BLK: variants seen among roughly 807,000 people sequenced by gnomAD.
The protein encoded by BLK is BLK proto-oncogene, Src family tyrosine kinase.
In BLK, 64 loss-of-function variants were observed where a neutral mutation model predicts 61.8. The observed-to-expected ratio is 1.03, with a 90% CI of 0.85 to 1.27. BLK has a LOEUF of 1.27. Ranked by LOEUF, BLK falls within the 50% of genes most tolerant of loss-of-function variation. BLK has a pLI of 0.00. For synonymous variants in BLK, 351 were observed against 272.0 expected, an observed-to-expected ratio of 1.29 and a Z score of -2.86; for missense variants, 853 against 660.5, an observed-to-expected ratio of 1.29 and a Z score of -3.19.
intron 9 of BLK, 73 bp downstream of exon 9, chr8:11,556,910 G>T (rs1352380947): frequency 1.9e-6 from 3 of 1,543,832 alleles, no homozygotes; most frequent in Admixed American, 3.7e-5. Flanking sequence ...AGGAGGGTCC[G>T]CTGCGGTGGG....
chr8:11,563,214 T>A, intron 12 of BLK, 104 bp downstream of exon 12: 1 of 1,539,382 alleles, frequency 6.5e-7, no homozygotes, highest in Non-Finnish European at 8.8e-7. Context: ...CTTTTCAGAG[T>A]GAGTCCCAGA....
At chr8:11,523,776 C>T (rs1799544690) in intron 1 of BLK, among the ~76,000 whole-genome samples, 1 of 150,372 alleles carries the variant, frequency 6.7e-6, no homozygotes, top group East Asian at 1.9e-4. Flanking sequence ...ATGATAAAAT[C>T]AATAGAAAAG....
At chr8:11,557,563 T>C (rs1057110594) in intron 9 of BLK, among the ~76,000 whole-genome samples, 2 of 152,158 alleles carry the variant, frequency 1.3e-5, no homozygotes, top group Non-Finnish European at 2.9e-5. Context: ...TGCTGATGCC[T>C]GGTCCTCAGA....
chr8:11,495,156 A>G (rs2117218953), intron 1 of BLK, among the ~76,000 whole-genome samples: 1 of 152,376 alleles, frequency 6.6e-6, no homozygotes, highest in East Asian at 1.9e-4. Flanking sequence ...AGGAAACACC[A>G]ACTGTGAAAA....
chr8:11,537,344 C>T (rs1006083454), intron 1 of BLK, among the ~76,000 whole-genome samples: 5 of 152,228 alleles, frequency 3.3e-5, no homozygotes, highest in South Asian at 4.2e-4. Flanking sequence ...GCATTGTGAT[C>T]GCGACACCCA....
intron 2 of BLK, 113 bp from the exon 3 acceptor site, chr8:11,545,939 C>A: frequency 2.7e-6 from 3 of 1,129,084 alleles, no homozygotes; most frequent in East Asian, 2.3e-5. Flanking sequence ...TGCCTCTCCT[C>A]CTTCAGTAGG....
chr8:11,543,454 G>C lies in BLK; in HGVS notation c.123+107G>C. 4 of 1,452,230 alleles carry C rather than the reference G, an allele frequency of 2.8e-6. No homozygotes were observed. The South Asian group carries it at 4.9e-5, about 18-fold the overall frequency. 90.0% of individuals were successfully genotyped at this position (1,452,230 alleles called of 1,614,324 possible). ...GCAAAAGTGCCTTCCTGATAGGGAT[G>C]TAACGATCTGCAATGTATAAGCAGG... is the stretch of plus-strand genomic sequence containing the variant. On this transcript the variant is annotated intron_variant, in intron 2 of 12. Coordinates refer to ENST00000259089, the MANE Select transcript of BLK (RefSeq NM_001715.3).
In BLK at chr8:11,511,441, TA is replaced by T. The variant is rs554410944; in HGVS notation, c.-2+16860del. On this transcript the variant is annotated intron_variant, in intron 1 of 12. Transcript: ENST00000259089. The stretch of plus-strand genomic sequence containing the variant: ...ACATGTACCCTAAAACTTAAAGTAT[TA>T]AAAAAAAAATCAGTTTCTGTTAACA... Among the ~76,000 whole-genome samples, 467 of 151,020 alleles carry T rather than the reference TA, an allele frequency of 3.1e-3. 3 individuals carry two copies. Among genetic ancestry groups the T allele is most frequent in the African/African-American group, 0.01 (431 of 41,164 alleles).
At chr8:11,497,605 G>A (rs1798406426) in intron 1 of BLK, among the ~76,000 whole-genome samples, 2 of 152,148 alleles carry the variant, frequency 1.3e-5, no homozygotes, top group African/African-American at 2.4e-5. Context: ...GCCCACCAGG[G>A]GTATCTGGTA....
At chr8:11,529,101 A>G (rs1799788195) in intron 1 of BLK, among the ~76,000 whole-genome samples, 1 of 152,154 alleles carries the variant, frequency 6.6e-6, no homozygotes, top group Admixed American at 6.5e-5. Context: ...ATAACTTAAA[A>G]TTTAAAATAA....
At chr8:11,518,690 G>C (rs1391837541) in intron 1 of BLK, among the ~76,000 whole-genome samples, 1 of 152,076 alleles carries the variant, frequency 6.6e-6, no homozygotes, top group East Asian at 1.9e-4. Flanking sequence ...AGGTAAGTCA[G>C]CTCCTCCTTA....
chr8:11,525,814 G>A (rs889411260), intron 1 of BLK, among the ~76,000 whole-genome samples: 1 of 151,988 alleles, frequency 6.6e-6, no homozygotes. Flanking sequence ...GCATGATCTC[G>A]GCTCACTGTA....
At chr8:11,527,590 G>A (rs1421777317) in intron 1 of BLK, among the ~76,000 whole-genome samples, 1 of 151,812 alleles carries the variant, frequency 6.6e-6, no homozygotes, top group Non-Finnish European at 1.5e-5. Context: ...GACTTTTATG[G>A]ACAATTTGGT....
rs769895420 is a variant in BLK at position 11,554,841 on chromosome 8, C to A, written c.571C>A (p.Pro191Thr). 2.5e-5 allele frequency: 41 copies of A among 1,613,858 alleles called. No homozygotes were observed. The highest frequency in any genetic ancestry group is 1.7e-4 in the Admixed American group (10 of 59,994). ...CLDEGGYYIS[P>T]RITFPSLQAL... ...GGATGAAGGGGGCTACTACATCTCC[C>A]CCCGGATCACCTTCCCCTCGCTCCA... The change falls in exon 7 of 13, where the codon CCC becomes ACC. Residue 191 changes from proline (P) to threonine (T), a missense_variant. Physicochemically the swap from Pro to Thr is conservative, Grantham distance 38. Transcript: ENST00000259089.
chr8:11,553,502 A>G (rs2117526354), intron 6 of BLK: 2 of 334,268 alleles, frequency 6.0e-6, no homozygotes, highest in East Asian at 8.8e-5. Flanking sequence ...AGGGGTCTAA[A>G]GCACCAGCTT....
intron 1 of BLK, among the ~76,000 whole-genome samples, chr8:11,538,737 G>A (rs1018226822): frequency 1.1e-4 from 16 of 152,124 alleles, no homozygotes; most frequent in African/African-American, 3.6e-4. Flanking sequence ...GCTGACCACT[G>A]GCCCTTCGTT....
At chr8:11,503,994 C>A (rs890285267) in intron 1 of BLK, among the ~76,000 whole-genome samples, 2 of 152,192 alleles carry the variant, frequency 1.3e-5, no homozygotes, top group African/African-American at 4.8e-5. Flanking sequence ...AAAGTCTCCC[C>A]AGCCTTTCTT....
At chr8:11,507,106 G>C (rs750467198) in intron 1 of BLK, among the ~76,000 whole-genome samples, 5 of 152,246 alleles carry the variant, frequency 3.3e-5, no homozygotes, top group Non-Finnish European at 7.3e-5. Context: ...CACTGAGCTT[G>C]TGACATTGAT....
chr8:11,541,010 A>C (rs1800354615), intron 1 of BLK, among the ~76,000 whole-genome samples: 1 of 152,246 alleles, frequency 6.6e-6, no homozygotes, highest in African/African-American at 2.4e-5. Context: ...TGACACCTGC[A>C]ATCCCAGTAC....
Sources: allele counts gnomAD v4.1 joint callset (sites outside exome capture counted in the v4.1 genomes callset), GRCh38; gene constraint gnomAD v4.1.1; transcripts MANE v1.5; gene names NCBI Gene and HGNC (gene_info 2026-07-23, HGNC 2026-07-21).